The following MYT1L variants were observed in gnomAD, a reference collection of about 807,000 sequenced individuals.
The protein encoded by MYT1L is myelin transcription factor 1-like protein.
Under a neutral mutation model 126.7 loss-of-function variants are expected in MYT1L, and 12 were observed. The observed-to-expected ratio is 0.09, with a 90% CI of 0.06 to 0.15. MYT1L has a LOEUF of 0.15. MYT1L is among the 10% of genes least tolerant of loss of function. The pLI is 1.00. For synonymous variants in MYT1L, 541 were observed against 604.2 expected (o/e 0.90, Z 1.53); for missense variants, 979 against 1,585.2 (o/e 0.62, Z 6.49).
chr2:1,954,066 G>C (rs2058120686), intron 8 of MYT1L, among the ~76,000 whole-genome samples: 1 of 152,194 alleles, frequency 6.6e-6, no homozygotes, highest in Non-Finnish European at 1.5e-5. Flanking sequence ...CCTCAGGACA[G>C]GAGAAATCTG....
At chr2:1,908,394 C>T (rs933460922) in intron 13 of MYT1L, among the ~76,000 whole-genome samples, 3 of 151,594 alleles carry the variant, frequency 2.0e-5, no homozygotes, top group East Asian at 3.9e-4. Context: ...GTGCAGCCCC[C>T]GGGAGCAGGG....
intron 13 of MYT1L, among the ~76,000 whole-genome samples, chr2:1,907,207 G>A (rs1278144952): frequency 1.3e-5 from 2 of 151,846 alleles, no homozygotes; most frequent in Non-Finnish European, 2.9e-5. Context: ...TTCTGGAGAA[G>A]AGAGAACACT....
chr2:2,197,910 A>G (rs1559309404), intron 2 of MYT1L, among the ~76,000 whole-genome samples: 1 of 151,938 alleles, frequency 6.6e-6, no homozygotes, highest in African/African-American at 2.4e-5. Context: ...GTACAGATGT[A>G]TATAACATAC....
intron 11 of MYT1L, among the ~76,000 whole-genome samples, chr2:1,916,406 T>A (rs1460800449): frequency 6.6e-6 from 1 of 152,204 alleles, no homozygotes; most frequent in Non-Finnish European, 1.5e-5. Context: ...ACTCTTCCCA[T>A]GCCGTAGACT....
chr2:1,886,286 G>C (rs1480107653), intron 18 of MYT1L: 7 of 362,646 alleles, frequency 1.9e-5, no homozygotes, highest in Non-Finnish European at 3.4e-5. Flanking sequence ...AAACACCCAT[G>C]CTTTAGGATA....
intron 1 of MYT1L, chr2:2,325,102 A>C (rs765352740): frequency 6.6e-6 from 1 of 152,458 alleles, no homozygotes; most frequent in Non-Finnish European, 1.5e-5. Flanking sequence ...TATATCTAAA[A>C]ATATCTCTCG....
intron 9 of MYT1L, among the ~76,000 whole-genome samples, chr2:1,926,686 C>A (rs1345679649): frequency 6.6e-6 from 1 of 152,214 alleles, no homozygotes; most frequent in Admixed American, 6.5e-5. Context: ...CTTCAGCCTG[C>A]TGAGTAGCTG....
chr2:1,841,974 TACAC>T (rs899694683), intron 19 of MYT1L: 4 of 152,206 alleles, frequency 2.6e-5, no homozygotes, highest in Non-Finnish European at 5.9e-5. Context: ...AACAGAAACA[TACAC>T]ACACATACAC....
chr2:1,869,224 C>T (rs1401225276), intron 18 of MYT1L, among the ~76,000 whole-genome samples: 3 of 152,220 alleles, frequency 2.0e-5, no homozygotes, highest in Non-Finnish European at 2.9e-5. Flanking sequence ...CTCTTTTCCA[C>T]GTGCCACTGT....
intron 3 of MYT1L, among the ~76,000 whole-genome samples, chr2:2,144,945 AAAAT>A (rs1305602019): frequency 1.3e-5 from 2 of 152,370 alleles, no homozygotes; most frequent in East Asian, 3.9e-4. Context: ...TCTCTGGAAA[AAAAT>A]AAAATGGGCT....
chr2:1,933,591 AACAGATC>A (rs1170978581), intron 9 of MYT1L, among the ~76,000 whole-genome samples: 1 of 152,216 alleles, frequency 6.6e-6, no homozygotes, highest in Non-Finnish European at 1.5e-5. Flanking sequence ...CAAAGACTGG[AACAGATC>A]ACAGGAGACT....
At chr2:1,899,400 C>CA (rs1488720374) in intron 14 of MYT1L, among the ~76,000 whole-genome samples, 1 of 152,214 alleles carries the variant, frequency 6.6e-6, no homozygotes, top group Non-Finnish European at 1.5e-5. Flanking sequence ...TTAAAAATGT[C>CA]AAAGCCATTC....
At chr2:2,048,543 C>A (rs2068451524) in intron 4 of MYT1L, among the ~76,000 whole-genome samples, 4 of 152,166 alleles carry the variant, frequency 2.6e-5, no homozygotes, top group Admixed American at 2.6e-4. Context: ...GTGCCACACA[C>A]CAGAGGTAGG....
At chr2:1,952,967 C>A (rs1324001060) in intron 8 of MYT1L, among the ~76,000 whole-genome samples, 3 of 123,176 alleles carry the variant, frequency 2.4e-5, no homozygotes, top group African/African-American at 9.2e-5. Context: ...TCCCTCCCTC[C>A]CTCCTTCCTT....
intron 2 of MYT1L, among the ~76,000 whole-genome samples, chr2:2,234,142 G>A (rs912693079): frequency 3.9e-5 from 6 of 152,158 alleles, no homozygotes; most frequent in African/African-American, 1.2e-4. Context: ...TCTCTTTAAT[G>A]TACACTCATT....
intron 3 of MYT1L, among the ~76,000 whole-genome samples, chr2:2,085,552 A>G (rs1413277899): frequency 1.3e-5 from 2 of 152,060 alleles, no homozygotes; most frequent in Non-Finnish European, 2.9e-5. Flanking sequence ...AAGGCTTGTC[A>G]TGCTCTGCCA....
At chr2:1,986,977 G>GAATTT (rs1252658505) in intron 5 of MYT1L, among the ~76,000 whole-genome samples, 6 of 152,308 alleles carry the variant, frequency 3.9e-5, no homozygotes, top group Middle Eastern at 3.4e-3. Context: ...TGCCCTTCAA[G>GAATTT]AATTTAACTA....
At chr2:1,799,965 A>T (rs1294182328) in intron 23 of MYT1L, among the ~76,000 whole-genome samples, 2 of 151,906 alleles carry the variant, frequency 1.3e-5, no homozygotes, top group African/African-American at 2.4e-5. Context: ...CTTCCTCTTT[A>T]CCTTCTGCCA....
At chr2:1,962,906 C>A (rs1322130934) in intron 8 of MYT1L, among the ~76,000 whole-genome samples, 3 of 152,270 alleles carry the variant, frequency 2.0e-5, no homozygotes, top group East Asian at 1.9e-4. Context: ...TCAATGTATT[C>A]CAAATTCTTG....
Sources: allele counts gnomAD v4.1 joint callset (sites outside exome capture counted in the v4.1 genomes callset), GRCh38; gene constraint gnomAD v4.1.1; transcripts MANE v1.5; gene names NCBI Gene and HGNC (gene_info 2026-07-23, HGNC 2026-07-21).